The following AEBP2 variants were observed in gnomAD, a reference collection of about 807,000 sequenced individuals.
AEBP2 encodes the protein AE binding protein 2, also known as zinc finger protein AEBP2.
A neutral mutation model predicts 50.8 loss-of-function variants in AEBP2; 10 were observed. The ratio of observed to expected loss-of-function variants is 0.20; its 90% CI spans 0.12 to 0.33. The LOEUF is 0.33. Ranked by LOEUF, AEBP2 falls within the 10% of genes least tolerant of loss-of-function variation. AEBP2 has a pLI of 1.00. For synonymous variants in AEBP2, 296 were observed against 261.3 expected, an observed-to-expected ratio of 1.13 and a Z score of -1.28; for missense variants, 570 against 688.0, an observed-to-expected ratio of 0.83 and a Z score of 1.92.
rs1263597208 is a variant in AEBP2 at position 19,447,219 on chromosome 12, C to T, written c.671+6849C>T. 1.3e-5 allele frequency among the ~76,000 whole-genome samples: 2 copies of T among 152,320 alleles called. 1 individual carries two copies. Among genetic ancestry groups the T allele is most frequent in the South Asian group, 4.1e-4 (2 of 4,830 alleles). On this transcript the variant is annotated intron_variant, in intron 1 of 7. Transcript: ENST00000266508. ...CGTCTCTCAGTATAGGTTTGTGAAT[C>T]AAATTCTTTTTATTCTCTTCACTTT...
intron 5 of AEBP2, among the ~76,000 whole-genome samples, chr12:19,505,163 C>T (rs147966547): frequency 6.6e-6 from 1 of 152,314 alleles, no homozygotes; most frequent in Non-Finnish European, 1.5e-5. Context: ...TAGAGCCTTG[C>T]TCACCGAGGC....
At chr12:19,437,554 G>T (rs1947873822), upstream of AEBP2, among the ~76,000 whole-genome samples, 1 of 152,032 alleles carries the variant, frequency 6.6e-6, no homozygotes, top group African/African-American at 2.4e-5. Flanking sequence ...TTTTACCCAG[G>T]CTGGTCTCAA....
At chr12:19,431,333 T>C (rs1469022051) in intron 1 of AEBP2, among the ~76,000 whole-genome samples, 1 of 152,254 alleles carries the variant, frequency 6.6e-6, no homozygotes, top group Non-Finnish European at 1.5e-5. Context: ...GATAAAGTAC[T>C]AACTGGTATT....
chr12:19,496,439 C>A (rs1354287291), intron 4 of AEBP2, among the ~76,000 whole-genome samples: 3 of 152,042 alleles, frequency 2.0e-5, no homozygotes. Context: ...CTGTGGGGAG[C>A]CATTGTTAAG....
chr12:19,486,349 C>A (rs1948809273), intron 3 of AEBP2, among the ~76,000 whole-genome samples: 1 of 152,066 alleles, frequency 6.6e-6, no homozygotes, highest in Non-Finnish European at 1.5e-5. Flanking sequence ...CCATTCACTT[C>A]CTTTTGGGCA....
At chr12:19,460,390 C>G (rs533041881) in intron 1 of AEBP2, among the ~76,000 whole-genome samples, 1 of 150,838 alleles carries the variant, frequency 6.6e-6, no homozygotes, top group African/African-American at 2.4e-5. Context: ...CGCCCAGGCT[C>G]GAGTGCAGTG....
chr12:19,419,418 T>A (rs2095744381), intron 1 of AEBP2, among the ~76,000 whole-genome samples: 1 of 151,624 alleles, frequency 6.6e-6, no homozygotes, highest in South Asian at 2.1e-4. Flanking sequence ...TGAAACCCCG[T>A]CTCTACTAAA....
intron 3 of AEBP2, among the ~76,000 whole-genome samples, chr12:19,475,674 C>T (rs1444966150): frequency 2.0e-5 from 3 of 152,002 alleles, no homozygotes; most frequent in African/African-American, 4.8e-5. Context: ...AATCTCTGTA[C>T]GGTTTTCTAT....
chr12:19,497,914 G>T (rs920987012), intron 4 of AEBP2, among the ~76,000 whole-genome samples: 1 of 152,194 alleles, frequency 6.6e-6, no homozygotes, highest in Admixed American at 6.5e-5. Context: ...TATTGAAAAA[G>T]AATGAGATGA....
chr12:19,469,909 T>TA (rs1481738079), intron 2 of AEBP2, among the ~76,000 whole-genome samples: 16 of 152,244 alleles, frequency 1.1e-4, no homozygotes, highest in Non-Finnish European at 2.4e-4. Flanking sequence ...TTCTTGAACA[T>TA]ACTTCTTCCA....
chr12:19,493,706 T>C (rs962557834), intron 3 of AEBP2, 94 bp from the exon 4 acceptor site: 8 of 1,215,166 alleles, frequency 6.6e-6, no homozygotes, highest in African/African-American at 6.1e-5. Context: ...GTACTACTTA[T>C]TTACTTCCGA....
intron 1 of AEBP2, chr12:19,413,589 A>G: frequency 1.7e-6 from 1 of 601,976 alleles, no homozygotes; most frequent in Admixed American, 3.0e-5. Flanking sequence ...CAAAATAAAA[A>G]AAAAGAAATA....
intron 7 of AEBP2, among the ~76,000 whole-genome samples, chr12:19,516,590 T>C (rs1240432512): frequency 6.6e-6 from 1 of 152,234 alleles, no homozygotes. Context: ...ACTGATGTTC[T>C]GAAGTGCATA....
intron 7 of AEBP2, among the ~76,000 whole-genome samples, chr12:19,516,847 T>A (rs1949326673): frequency 6.6e-6 from 1 of 152,224 alleles, no homozygotes. Flanking sequence ...GCCAACATGA[T>A]GAAACCCTGT....
chr12:19,414,193 A>C (rs1475139975), intron 1 of AEBP2, among the ~76,000 whole-genome samples: 1 of 152,096 alleles, frequency 6.6e-6, no homozygotes, highest in Non-Finnish European at 1.5e-5. Context: ...CGCCCGGCCA[A>C]CAAGGTCTTT....
At chr12:19,427,179 C>T (rs1000344233) in intron 1 of AEBP2, among the ~76,000 whole-genome samples, 1 of 151,962 alleles carries the variant, frequency 6.6e-6, no homozygotes, top group African/African-American at 2.4e-5. Flanking sequence ...GAGTTTGAAA[C>T]CATCCTTGCC....
intron 1 of AEBP2, chr12:19,456,639 T>C: frequency 1.3e-6 from 2 of 1,526,878 alleles, no homozygotes; most frequent in South Asian, 2.2e-5. Context: ...CATTGGTGGG[T>C]CATCTTTGCT....
chr12:19,498,044 A>G (rs1279334651), intron 4 of AEBP2, among the ~76,000 whole-genome samples: 1 of 152,224 alleles, frequency 6.6e-6, no homozygotes, highest in Non-Finnish European at 1.5e-5. Flanking sequence ...AGTGTGGTTA[A>G]GGTCTGAATG....
intron 5 of AEBP2, among the ~76,000 whole-genome samples, chr12:19,510,822 T>G (rs1949221705): frequency 6.6e-6 from 1 of 151,724 alleles, no homozygotes; most frequent in South Asian, 2.1e-4. Flanking sequence ...TTGTTCTCAA[T>G]TTTTACTGTA....
Sources: allele counts gnomAD v4.1 joint callset (sites outside exome capture counted in the v4.1 genomes callset), GRCh38; gene constraint gnomAD v4.1.1; transcripts MANE v1.5; gene names NCBI Gene and HGNC (gene_info 2026-07-23, HGNC 2026-07-21).